Variants in FBXL2 observed in about 807,000 individuals in gnomAD.
FBXL2 encodes F-box and leucine rich repeat protein 2.
In FBXL2, 38 loss-of-function variants were observed where a neutral mutation model predicts 69.2. The observed-to-expected ratio is 0.55, with a 90% CI of 0.42 to 0.72. The LOEUF is 0.72. Ranked by LOEUF, FBXL2 falls within the 30% of genes least tolerant of loss-of-function variation. The pLI, the probability that FBXL2 is intolerant of heterozygous loss-of-function variation, is 0.00. For missense variants in FBXL2, 354 were observed against 520.3 expected (o/e 0.68, Z 3.11); for synonymous variants, 192 against 201.3 (o/e 0.95, Z 0.39).
the FBXL2 span, among the ~76,000 whole-genome samples, chr3:33,417,080 A>C: frequency 6.6e-6 from 1 of 152,154 alleles, no homozygotes; most frequent in Non-Finnish European, 1.5e-5. Context: ...TCTTACACTA[A>C]ACTTTTATTA....
chr3:33,359,440 A>G (rs2041455752), intron 4 of FBXL2, 83 bp downstream of exon 4: 4 of 883,032 alleles, frequency 4.5e-6, no homozygotes, highest in Non-Finnish European at 7.0e-6. Context: ...ATTTTACTGC[A>G]TTTAGATCTA....
intron 4 of FBXL2, among the ~76,000 whole-genome samples, chr3:33,361,098 ATT>A (rs58660334): frequency 0.097 from 11,278 of 116,236 alleles, 417 homozygotes; most frequent in Admixed American, 0.11. Context: ...CGCCCGGCTA[ATT>A]TTTTTTTTTT....
At chr3:33,347,556 A>G (rs556950522) in intron 2 of FBXL2, among the ~76,000 whole-genome samples, 1 of 152,286 alleles carries the variant, frequency 6.6e-6, no homozygotes, top group South Asian at 2.1e-4. Flanking sequence ...TTGCTGGATC[A>G]TATGGGAGCT....
downstream of FBXL2, chr3:33,388,204 CTG>C (rs2043591569): frequency 3.3e-5 from 5 of 151,638 alleles, no homozygotes; most frequent in Admixed American, 2.0e-4. Context: ...AGAAAATAAA[CTG>C]AAAAGGAAAA....
rs555058518 is a variant in FBXL2, at chr3:33,310,160, TA to T, written c.65+12436del. ...TTAATAGTTTTATTTTATTTTATTT[TA>T]TTTTTTTGGAGATGGAGTCTCGCTC... On this transcript the variant is annotated intron_variant, in intron 2 of 14. Transcript: ENST00000484457. Among the ~76,000 whole-genome samples, 623 of 152,264 alleles carry T rather than the reference TA, an allele frequency of 4.1e-3. 7 individuals are homozygous for T. Among genetic ancestry groups the T allele is most frequent in the African/African-American group, 0.014 (566 of 41,546 alleles).
chr3:33,412,543 A>G, the FBXL2 span, among the ~76,000 whole-genome samples: 1 of 151,366 alleles, frequency 6.6e-6, no homozygotes, highest in Non-Finnish European at 1.5e-5. Flanking sequence ...AGACTGTGCC[A>G]CTGCACTTAT....
chr3:33,364,208 G>C, intron 4 of FBXL2: 1 of 178,672 alleles, frequency 5.6e-6, no homozygotes, highest in South Asian at 1.3e-4. Context: ...CTTAGCTCAA[G>C]TAGGATTTTC....
At chr3:33,360,991 G>GCC (rs1003883402) in intron 4 of FBXL2, among the ~76,000 whole-genome samples, 1 of 139,990 alleles carries the variant, frequency 7.1e-6, no homozygotes, top group Non-Finnish European at 1.5e-5. Flanking sequence ...GAGTGCAGTG[G>GCC]CGTGGTCTCG....
intron 13 of FBXL2, among the ~76,000 whole-genome samples, chr3:33,381,520 T>C (rs1286441268): frequency 1.3e-5 from 2 of 152,118 alleles, no homozygotes; most frequent in African/African-American, 4.8e-5. Flanking sequence ...GGCGCATGCA[T>C]GACTGAGGCA....
intron 2 of FBXL2, among the ~76,000 whole-genome samples, chr3:33,321,898 C>T (rs1242556568): frequency 1.3e-5 from 2 of 152,024 alleles, no homozygotes; most frequent in African/African-American, 4.8e-5. Context: ...TGTCATTATC[C>T]AGTGCATGAC....
the FBXL2 span, chr3:33,416,697 T>A: frequency 2.0e-5 from 26 of 1,299,368 alleles, no homozygotes; most frequent in Middle Eastern, 3.8e-4. Flanking sequence ...AATTTTTTTT[T>A]AAACAAAAAC....
At chr3:33,385,342 G>A (rs556005393) in intron 14 of FBXL2, among the ~76,000 whole-genome samples, 159 bp from the exon 15 acceptor site, 2 of 152,168 alleles carry the variant, frequency 1.3e-5, no homozygotes, top group Non-Finnish European at 2.9e-5. Flanking sequence ...GGGGCAGACG[G>A]TGCGGGGAGT....
chr3:33,322,330 G>A (rs957532179), intron 2 of FBXL2, among the ~76,000 whole-genome samples: 9 of 151,708 alleles, frequency 5.9e-5, no homozygotes, highest in African/African-American at 9.7e-5. Flanking sequence ...TGCCCACCTC[G>A]GCCTCCAAAA....
intron 2 of FBXL2, among the ~76,000 whole-genome samples, chr3:33,354,350 C>T (rs1191423147): frequency 2.0e-5 from 3 of 151,806 alleles, no homozygotes; most frequent in Non-Finnish European, 4.4e-5. Context: ...CCCGTCTCTA[C>T]TAAAAATACA....
chr3:33,345,094 T>C (rs975032559), intron 2 of FBXL2, among the ~76,000 whole-genome samples: 1 of 152,258 alleles, frequency 6.6e-6, no homozygotes, highest in African/African-American at 2.4e-5. Flanking sequence ...TTTCTATGTC[T>C]GCTTTAACAA....
intron 2 of FBXL2, among the ~76,000 whole-genome samples, chr3:33,346,052 A>C (rs2040408297): frequency 6.6e-6 from 1 of 151,944 alleles, no homozygotes; most frequent in Admixed American, 6.6e-5. Flanking sequence ...CATGGTTGAA[A>C]CCCTGTCTCT....
chr3:33,278,574 G>C (rs757505589), intron 1 of FBXL2, among the ~76,000 whole-genome samples: 1 of 152,144 alleles, frequency 6.6e-6, no homozygotes, highest in Non-Finnish European at 1.5e-5. Context: ...AGGAATCCTG[G>C]CTGGCTCAGT....
At chr3:33,378,979 G>T in intron 13 of FBXL2, 1 of 733,650 alleles carries the variant, frequency 1.4e-6, no homozygotes, top group South Asian at 2.3e-5. Context: ...GTTTTGTTGG[G>T]GAACTCTACC....
At chr3:33,323,787 A>G (rs894196818) in intron 2 of FBXL2, among the ~76,000 whole-genome samples, 2 of 152,158 alleles carry the variant, frequency 1.3e-5, no homozygotes, top group African/African-American at 4.8e-5. Flanking sequence ...ATGTGTCTTT[A>G]TAGTAGAATG....
Sources: gnomAD v4.1 joint callset for allele counts (sites outside exome capture counted in the v4.1 genomes callset) on GRCh38, gnomAD v4.1.1 for gene constraint, MANE v1.5 for transcripts, NCBI Gene and HGNC (gene_info 2026-07-23, HGNC 2026-07-21) for gene names.